Variants in ZNF496 observed in about 807,000 individuals in gnomAD.
ZNF496 encodes NSD1 (nuclear receptor binding SET-domain containing 1)-interacting zinc finger protein 1.
ZNF496 carries 11 observed loss-of-function variants against 58.9 expected under a neutral mutation model. The observed-to-expected ratio is 0.19, with a 90% CI of 0.12 to 0.31. The LOEUF (loss-of-function observed/expected upper bound fraction) is 0.31, where lower values mean the gene tolerates loss of function less well. ZNF496 is among the 10% of genes least tolerant of loss of function. The pLI is 1.00. For synonymous variants in ZNF496, 338 were observed against 318.2 expected (o/e 1.06, Z -0.66); for missense variants, 660 against 783.0 (o/e 0.84, Z 1.88).
intron 9 of ZNF496, among the ~76,000 whole-genome samples, chr1:247,302,896 G>A (rs560436977): frequency 2.0e-5 from 3 of 152,302 alleles, no homozygotes; most frequent in Admixed American, 1.3e-4. Flanking sequence ...ATCAGCAGTT[G>A]ACTTCTGTTA....
In ZNF496 at chr1:247,300,537, C is replaced by A; in HGVS notation, c.1746G>T (p.Gln582His). The A allele has an allele frequency of 6.2e-7, 1 of 1,608,586 alleles. No homozygotes were observed. Residue 582 changes from glutamine to histidine, a missense_variant, in exon 10 of 10, where the codon CAG becomes CAT. Gln to His is a conservative substitution (Grantham distance 24). Coordinates refer to ENST00000682384, the MANE Select transcript of ZNF496 (RefSeq NM_032752.3). This position sits in a 1 kb window ranked among gnomAD's most constrained non-coding sequence, Gnocchi z 5.7. ...GAGAGGCTCAGTAGGAGTTCAGAGC[C>A]TGCTTGGAACGGCGCTTCATGTGCA... ...ERLHMKRRSK[Q>H]ALNSY
At position 247,327,247 on chromosome 1, in the gene ZNF496, A is replaced by G. The variant is rs187353378; in HGVS notation, c.574+1436T>C. On this transcript the variant is annotated intron_variant, in intron 5 of 9. Coordinates refer to ENST00000682384, the MANE Select transcript of ZNF496 (RefSeq NM_032752.3). ...ACACAACTAATTTTGTATTTTTAGT[A>G]GCGATGGGGTTTCACCATCTTGGCC... 1.5e-3 allele frequency among the ~76,000 whole-genome samples: 222 copies of G among 152,320 alleles called. 3 individuals are homozygous for G. The highest frequency in any genetic ancestry group is 9.6e-3 in the Admixed American group (147 of 15,294).
intron 6 of ZNF496, chr1:247,311,708 G>C (rs1373868289): frequency 6.6e-6 from 1 of 152,500 alleles, no homozygotes; most frequent in African/African-American, 2.4e-5. Flanking sequence ...CACTGGGCAG[G>C]AGTTGAGTCC....
Position 247,325,625 on chromosome 1 carries a change from G to A in ZNF496, c.575-2395C>T, listed in dbSNP as rs751103353. On this transcript the variant is annotated intron_variant, in intron 5 of 9. Transcript: ENST00000682384. ...CCAGAATTTATTCATCTTACCTAACGGAAACTTTGTACTCTTTGACCGATG... is the reference window on the plus strand; with the variant it reads ...CCAGAATTTATTCATCTTACCTAACAGAAACTTTGTACTCTTTGACCGATG... Among the ~76,000 whole-genome samples the A allele has an allele frequency of 5.3e-5, 8 of 151,980 alleles. No individual in the cohort carries two copies. The South Asian group carries it at 6.2e-4, about 12-fold the overall frequency.
intron 9 of ZNF496, among the ~76,000 whole-genome samples, chr1:247,303,534 C>A (rs192601240): frequency 6.6e-6 from 1 of 152,046 alleles, no homozygotes; most frequent in South Asian, 2.1e-4. Flanking sequence ...GGTAGAAATA[C>A]GGACGTTATA....
intron 9 of ZNF496, among the ~76,000 whole-genome samples, chr1:247,303,546 G>A (rs991072388): frequency 6.6e-6 from 1 of 152,220 alleles, no homozygotes; most frequent in African/African-American, 2.4e-5. Context: ...GACGTTATAG[G>A]AAATTGGAGA....
In ZNF496 at chr1:247,329,110, C is replaced by T. The variant is rs1660233328; in HGVS notation, c.390+79G>A. ...GCTCTCGATGGAACTCCTCATTCCC[C>T]AGCCAGCACATGCATGGCCCAGCCA... On this transcript the variant is annotated intron_variant, in intron 4 of 9. Transcript: ENST00000682384. The surrounding 1 kb of genome is among the most constrained non-coding windows in gnomAD (Gnocchi z 5.5). The T allele has an allele frequency of 1.3e-6, 2 of 1,595,224 alleles. No individual in the cohort carries two copies. The highest frequency in any genetic ancestry group is 1.7e-6 in the Non-Finnish European group (2 of 1,167,070).
intron 5 of ZNF496, among the ~76,000 whole-genome samples, chr1:247,328,069 GA>G (rs1255820349): frequency 1.3e-5 from 2 of 152,190 alleles, no homozygotes; most frequent in African/African-American, 4.8e-5. Flanking sequence ...TCAGAGTTTA[GA>G]AACATGCCTC....
In ZNF496 at chr1:247,300,586, T is replaced by C. The variant is rs1239103738; in HGVS notation, c.1697A>G (p.Tyr566Cys). The change falls in exon 10 of 10, where the codon TAT (tyrosine) becomes TGT (cysteine). Residue 566 changes from tyrosine (Y) to cysteine (C), a missense_variant. By Grantham distance (194) the Tyr-to-Cys change is radical. Transcript: ENST00000682384. This position sits in a 1 kb window ranked among gnomAD's most constrained non-coding sequence, Gnocchi z 5.7. The part of the protein sequence containing the change: ...RYCVKSFTQN[Y>C]DLLRHERLHM... ...CAGGCGCTCGTGGCGGAGGAGGTCATAGTTCTGCGTGAAGCTCTTGACGCA... is the reference window on the plus strand; with the variant it reads ...CAGGCGCTCGTGGCGGAGGAGGTCACAGTTCTGCGTGAAGCTCTTGACGCA... 13 of 1,613,938 alleles carry C rather than the reference T, an allele frequency of 8.1e-6. No individual in the cohort carries two copies. The highest frequency in any genetic ancestry group is 1.3e-5 in the African/African-American group (1 of 75,042).
chr1:247,307,100 C>A (rs28691784), intron 9 of ZNF496: 2 of 985,374 alleles, frequency 2.0e-6, no homozygotes, highest in Non-Finnish European at 2.4e-6. Context: ...ACCTCAGTGG[C>A]GGATGTAGTA....
chr1:247,323,003 A>T, intron 6 of ZNF496, 151 bp downstream of exon 6: 1 of 708,498 alleles, frequency 1.4e-6, no homozygotes, highest in Non-Finnish European at 2.3e-6. Flanking sequence ...GGCGTCTCTT[A>T]AGCTCACGCT....
At chr1:247,323,320 C>A in intron 5 of ZNF496, 90 bp from the exon 6 acceptor site, 1 of 910,980 alleles carries the variant, frequency 1.1e-6, no homozygotes, top group East Asian at 2.5e-5. Flanking sequence ...TCTTCATTTC[C>A]ATTTTGGTAG....
intron 6 of ZNF496, chr1:247,310,702 C>A: frequency 2.2e-6 from 1 of 458,866 alleles, no homozygotes; most frequent in Non-Finnish European, 3.9e-6. Flanking sequence ...ATGGAGAGGG[C>A]AAGGGAGTTC....
At chr1:247,327,740 C>T (rs1330828224) in intron 5 of ZNF496, among the ~76,000 whole-genome samples, 1 of 137,604 alleles carries the variant, frequency 7.3e-6, no homozygotes, top group Non-Finnish European at 1.6e-5. Context: ...TCTCCCCTGG[C>T]CCCCCAGACA....
In ZNF496 at chr1:247,308,882, T is replaced by G; in HGVS notation, c.893-294A>C. The G allele has an allele frequency of 1.9e-5, 7 of 375,514 alleles. No individual in the cohort carries two copies. Among genetic ancestry groups the G allele is most frequent in the East Asian group, 6.3e-5 (1 of 15,840 alleles). 23.3% of individuals were successfully genotyped at this position (375,514 alleles called of 1,614,324 possible). Reference sequence around the variant, plus strand: ...AGCACTTCCCCCAGCCCCATATTTATTCCCACTTTCTGTGGTGGGTTTTCT... The same window carrying G: ...AGCACTTCCCCCAGCCCCATATTTAGTCCCACTTTCTGTGGTGGGTTTTCT... On this transcript the variant is annotated intron_variant, in intron 8 of 9. Coordinates refer to ENST00000682384, the MANE Select transcript of ZNF496 (RefSeq NM_032752.3). The surrounding 1 kb of genome is among the most constrained non-coding windows in gnomAD (Gnocchi z 4.5).
chr1:247,303,113 A>C (rs1328495932), intron 9 of ZNF496, among the ~76,000 whole-genome samples: 1 of 152,180 alleles, frequency 6.6e-6, no homozygotes, highest in Non-Finnish European at 1.5e-5. Context: ...TCAAGAAGTA[A>C]TTAAGTCAAA....
intron 6 of ZNF496, among the ~76,000 whole-genome samples, chr1:247,316,254 G>A (rs1450268925): frequency 1.2e-4 from 18 of 144,936 alleles, no homozygotes; most frequent in African/African-American, 4.6e-4. Context: ...CGCAGTGGGG[G>A]TCCCGAGGGA....
intron 6 of ZNF496, among the ~76,000 whole-genome samples, chr1:247,319,689 G>C (rs1241967341): frequency 2.6e-5 from 4 of 152,172 alleles, no homozygotes; most frequent in Non-Finnish European, 4.4e-5. Flanking sequence ...TTTGGAGGAC[G>C]AAGCAGGTGG....
chr1:247,328,590 AAGC>A (rs1374729157), intron 5 of ZNF496, 90 bp downstream of exon 5: 14 of 1,315,542 alleles, frequency 1.1e-5, no homozygotes, highest in Non-Finnish European at 1.4e-5. Context: ...GCTGATGTAA[AAGC>A]CATCAGCTTA....
Sources: allele counts gnomAD v4.1 joint callset (sites outside exome capture counted in the v4.1 genomes callset), GRCh38; gene constraint gnomAD v4.1.1; non-coding constraint Gnocchi (gnomAD v3.1); transcripts MANE v1.5; gene names NCBI Gene and HGNC (gene_info 2026-07-23, HGNC 2026-07-21).